APCDD1L: variants seen among roughly 807,000 people sequenced by gnomAD.
APCDD1L encodes the protein APC down-regulated 1 like.
In APCDD1L, 21 loss-of-function variants were observed where a neutral mutation model predicts 24.2. That is an observed-to-expected ratio of 0.87 (90% confidence interval 0.61 to 1.25). The LOEUF (loss-of-function observed/expected upper bound fraction) is 1.25, where lower values mean the gene tolerates loss of function less well. APCDD1L is among the 50% of genes most tolerant of loss of function. The pLI is 0.00. For missense variants in APCDD1L, 704 were observed against 711.7 expected, an observed-to-expected ratio of 0.99 and a Z score of 0.12; for synonymous variants, 321 against 323.6, an observed-to-expected ratio of 0.99 and a Z score of 0.09.
intron 1 of APCDD1L, among the ~76,000 whole-genome samples, chr20:58,473,970 C>G (rs990952836): frequency 6.6e-6 from 1 of 152,194 alleles, no homozygotes; most frequent in Admixed American, 6.5e-5. Context: ...GATGTGTTAT[C>G]CTGAATCAGA....
intron 1 of APCDD1L, among the ~76,000 whole-genome samples, chr20:58,488,948 A>G (rs541515263): frequency 1.1e-4 from 17 of 152,186 alleles, no homozygotes; most frequent in Non-Finnish European, 2.5e-4. Flanking sequence ...GATTAGATCA[A>G]CCTCTGCTAA....
intron 1 of APCDD1L, among the ~76,000 whole-genome samples, chr20:58,505,374 T>C (rs1990512960): frequency 6.6e-6 from 1 of 152,226 alleles, no homozygotes; most frequent in Non-Finnish European, 1.5e-5. Context: ...TCATTGTGTT[T>C]CTTGTTCTAA....
chr20:58,472,825 T>C (rs556171359), intron 1 of APCDD1L, among the ~76,000 whole-genome samples: 28 of 152,268 alleles, frequency 1.8e-4, no homozygotes, highest in African/African-American at 6.0e-4. Flanking sequence ...TTGCAGGAAT[T>C]TGTGGCAGGA....
chr20:58,501,890 C>T (rs757013025), intron 1 of APCDD1L, among the ~76,000 whole-genome samples: 4 of 152,184 alleles, frequency 2.6e-5, no homozygotes, highest in African/African-American at 9.7e-5. Context: ...TCTCTAGCAG[C>T]CATCCTGACT....
Position 58,514,801 on chromosome 20 carries a change from C to A in APCDD1L, c.-94G>T, listed in dbSNP as rs1304132025. Reference sequence around the variant, plus strand: ...GCTCTCGGACGGCTGCGGGCGCCGGCGGCCAGGCTGGAGTCCTGCGAAGAA... The same window carrying A: ...GCTCTCGGACGGCTGCGGGCGCCGGAGGCCAGGCTGGAGTCCTGCGAAGAA... On this transcript the variant is annotated 5_prime_UTR_variant, in exon 1 of 4. Coordinates refer to ENST00000371149, the MANE Select transcript of APCDD1L (RefSeq NM_153360.3). The A allele has an allele frequency of 2.8e-6, 3 of 1,084,624 alleles. No homozygotes were observed. Among genetic ancestry groups the A allele is most frequent in the African/African-American group, 1.6e-5 (1 of 61,132 alleles). The allele number at this position is 1,084,624 out of a possible 1,614,324, so 67.2% of individuals were successfully genotyped here.
In APCDD1L at chr20:58,467,781, G is replaced by T; in HGVS notation, c.189-123C>A. On this transcript the variant is annotated intron_variant, in intron 2 of 3. Coordinates refer to ENST00000371149, the MANE Select transcript of APCDD1L (RefSeq NM_153360.3). The surrounding 1 kb of genome is among the most constrained non-coding windows in gnomAD (Gnocchi z 5.9). ...CCTCTTAGTCCTCAGCTCAGGCCTG[G>T]GCCCCTCCAGCCTCAGTTCCCCTCA... 1.9e-6 allele frequency: 2 copies of T among 1,026,758 alleles called. No homozygotes were observed. The highest frequency in any genetic ancestry group is 1.3e-6 in the Non-Finnish European group (1 of 772,202). 63.6% of individuals were successfully genotyped at this position (1,026,758 alleles called of 1,614,324 possible). A position where few individuals can be genotyped will look rare whatever the true frequency, so the allele number is the denominator to read the frequency against.
chr20:58,466,625 T>TC (rs1244736730), intron 3 of APCDD1L, among the ~76,000 whole-genome samples: 2 of 152,222 alleles, frequency 1.3e-5, no homozygotes, highest in African/African-American at 4.8e-5. Context: ...GGCCCCACCC[T>TC]TGTGAAGGAC....
intron 1 of APCDD1L, among the ~76,000 whole-genome samples, chr20:58,485,862 T>A (rs1421355711): frequency 6.6e-6 from 1 of 152,208 alleles, no homozygotes; most frequent in Non-Finnish European, 1.5e-5. Context: ...AAGGGGGGCC[T>A]GCCTGTAGAG....
chr20:58,482,157 T>G (rs1191053758), intron 1 of APCDD1L, among the ~76,000 whole-genome samples: 1 of 152,238 alleles, frequency 6.6e-6, no homozygotes. Flanking sequence ...GTATTGAGAT[T>G]AAGTTCGTGG....
chr20:58,503,535 C>A (rs190719667), intron 1 of APCDD1L, among the ~76,000 whole-genome samples: 1 of 152,196 alleles, frequency 6.6e-6, no homozygotes, highest in Non-Finnish European at 1.5e-5. Context: ...ACAGCCATGT[C>A]GTGCTCTCCT....
At chr20:58,509,389 A>G (rs1476890561) in intron 1 of APCDD1L, among the ~76,000 whole-genome samples, 1 of 152,188 alleles carries the variant, frequency 6.6e-6, no homozygotes, top group African/African-American at 2.4e-5. Context: ...TTGCCTGTCC[A>G]AGTTTCCAGT....
At chr20:58,490,601 CA>C (rs1331238818) in intron 1 of APCDD1L, among the ~76,000 whole-genome samples, 1 of 152,286 alleles carries the variant, frequency 6.6e-6, no homozygotes, top group East Asian at 1.9e-4. Context: ...ACATTCACAG[CA>C]AAAGGCAGAG....
chr20:58,472,745 G>A (rs185943737), intron 1 of APCDD1L, among the ~76,000 whole-genome samples: 4 of 152,366 alleles, frequency 2.6e-5, no homozygotes, highest in African/African-American at 9.6e-5. Flanking sequence ...TCTGCCAAGT[G>A]AAAGAAATGC....
rs138419249 is a variant in APCDD1L at position 58,475,361 on chromosome 20, C to T, written c.50-4614G>A. Among the ~76,000 whole-genome samples the T allele has an allele frequency of 4.4e-4, 67 of 152,240 alleles. No individual in the cohort carries two copies. The East Asian group carries it at 9.1e-3, about 21-fold the overall frequency. ...CGAGCACTTCGTATTCCAACAGTCA[C>T]GCGTCGGTTTTAGAGGGTGTTAAAA... On this transcript the variant is annotated intron_variant, in intron 1 of 3. Transcript: ENST00000371149.
At chr20:58,473,506 C>T (rs1309226698) in intron 1 of APCDD1L, among the ~76,000 whole-genome samples, 1 of 152,206 alleles carries the variant, frequency 6.6e-6, no homozygotes, top group Non-Finnish European at 1.5e-5. Flanking sequence ...GTCTCAACTT[C>T]AAGGTTGCAA....
chr20:58,485,556 C>G (rs1176656183), intron 1 of APCDD1L, among the ~76,000 whole-genome samples: 1 of 152,120 alleles, frequency 6.6e-6, no homozygotes, highest in African/African-American at 2.4e-5. Context: ...GATTCTTACC[C>G]TTCTGTTTAT....
At chr20:58,495,979 G>T (rs1990313947) in intron 1 of APCDD1L, among the ~76,000 whole-genome samples, 1 of 152,210 alleles carries the variant, frequency 6.6e-6, no homozygotes, top group Non-Finnish European at 1.5e-5. Flanking sequence ...AGTTACAGAG[G>T]GGGCGGTGGC....
chr20:58,508,265 C>T lies in APCDD1L; in HGVS notation c.49+6394G>A, dbSNP rs1324535042. ...GCTGGTGGGCTCTGAGTGACTGCTTCATGGTGGTGCTTCCAGCCCAGCAGC... is the reference window on the plus strand; with the variant it reads ...GCTGGTGGGCTCTGAGTGACTGCTTTATGGTGGTGCTTCCAGCCCAGCAGC... On this transcript the variant is annotated intron_variant, in intron 1 of 3. Coordinates refer to ENST00000371149, the MANE Select transcript of APCDD1L (RefSeq NM_153360.3). This position sits in a 1 kb window ranked among gnomAD's most constrained non-coding sequence, Gnocchi z 4.0. Among the ~76,000 whole-genome samples the T allele has an allele frequency of 3.3e-5, 5 of 152,274 alleles. No individual in the cohort carries two copies. In the East Asian group the frequency reaches 9.7e-4, roughly 29 times the overall value.
intron 3 of APCDD1L, among the ~76,000 whole-genome samples, chr20:58,466,405 C>A (rs896843237): frequency 2.0e-5 from 3 of 152,232 alleles, no homozygotes; most frequent in Admixed American, 6.5e-5. Flanking sequence ...GTGGCTTCGC[C>A]GTCTGGTTTG....
Sources: allele counts gnomAD v4.1 joint callset (sites outside exome capture counted in the v4.1 genomes callset), GRCh38; gene constraint gnomAD v4.1.1; non-coding constraint Gnocchi (gnomAD v3.1); transcripts MANE v1.5; gene names NCBI Gene and HGNC (gene_info 2026-07-23, HGNC 2026-07-21).